CHST12: variants seen among roughly 807,000 people sequenced by gnomAD.
CHST12 encodes the protein carbohydrate (chondroitin 4) sulfotransferase 12.
In CHST12, 23 loss-of-function variants were observed where a neutral mutation model predicts 27.9. That is an observed-to-expected ratio of 0.82 (90% CI 0.59 to 1.17). The LOEUF is 1.17. Among genes scored for constraint, CHST12 ranks in the 50% most tolerant of loss-of-function variants. The probability of loss-of-function intolerance (pLI) is 0.00; values close to 1 mark genes in which losing one functional copy is unlikely to be tolerated. For synonymous variants in CHST12, 322 were observed against 273.0 expected (o/e 1.18, Z -1.77); for missense variants, 682 against 603.0 (o/e 1.13, Z -1.37).
Position 2,432,869 on chromosome 7 carries a change from G to A in CHST12, c.230G>A (p.Gly77Asp), listed in dbSNP as rs1782323676. 6.2e-7 allele frequency: 1 copy of A among 1,613,728 alleles called. No homozygotes were observed. The highest frequency in any genetic ancestry group is 8.5e-7 in the Non-Finnish European group (1 of 1,179,898). Residue 77 changes from glycine to aspartate, a missense_variant, in exon 2 of 2, where the codon GGC becomes GAC. Coordinates refer to ENST00000618655, the MANE Select transcript of CHST12 (RefSeq NM_018641.5). ...DEFLDKFLSA[G>D]VKQSDLPRKE... ...TTTCTGGACAAGTTTCTCAGTGCTG[G>A]CGTGAAGCAGAGCGACCTTCCCAGA...
rs1782356578 is a variant in CHST12, at chr7:2,433,337, T to G, written c.698T>G (p.Val233Gly). The change falls in exon 2 of 2, where the codon GTC (valine) becomes GGC (glycine). Residue 233 changes from valine to glycine, a missense_variant. Coordinates refer to ENST00000618655, the MANE Select transcript of CHST12 (RefSeq NM_018641.5). The surrounding 1 kb of genome is among the most constrained non-coding windows in gnomAD (Gnocchi z 6.1). ...AAGCTCTCCCGCCACCTCATGAAGG[T>G]CAAGCTCAAGAAGTACACCAAGTTC... ...YGKLSRHLMK[V>G]KLKKYTKFLF... is the part of the protein sequence containing the mutation. 2 of 1,612,550 alleles carry G rather than the reference T, an allele frequency of 1.2e-6. No individual in the cohort carries two copies. The highest frequency in any genetic ancestry group is 1.7e-6 in the Non-Finnish European group (2 of 1,179,876).
At chr7:2,423,326 C>T (rs1304134430) in intron 1 of CHST12, among the ~76,000 whole-genome samples, 2 of 151,952 alleles carry the variant, frequency 1.3e-5, no homozygotes, top group Middle Eastern at 3.2e-3. Flanking sequence ...TGGTTATAAC[C>T]GTTCAGAGGG....
In CHST12 at chr7:2,444,258, T is replaced by G. The variant is rs1234141483; in HGVS notation, c.*10374T>G. ...GAGATCCCGCCACTGCACTCCAGCC[T>G]GGGCGACAGAGCGAGACTCCGTCTC... On this transcript the variant is annotated 3_prime_UTR_variant, in exon 2 of 2. Transcript: ENST00000618655. 8.4e-6 allele frequency: 1 copy of G among 119,580 alleles called. No homozygotes were observed. Among genetic ancestry groups the G allele is most frequent in the South Asian group, 2.7e-4 (1 of 3,692 alleles). 7.4% of individuals were successfully genotyped at this position (119,580 alleles called of 1,614,324 possible). A position where few individuals can be genotyped will look rare whatever the true frequency, so the allele number is the denominator to read the frequency against.
chr7:2,425,349 G>A (rs1782087486), intron 1 of CHST12, among the ~76,000 whole-genome samples: 1 of 152,094 alleles, frequency 6.6e-6, no homozygotes, highest in Admixed American at 6.6e-5. Context: ...GGAGAGAGGG[G>A]TCCAGACTGT....
intron 1 of CHST12, among the ~76,000 whole-genome samples, chr7:2,420,754 C>A (rs1220574850): frequency 2.0e-5 from 3 of 152,176 alleles, no homozygotes; most frequent in East Asian, 1.9e-4. Flanking sequence ...CACTGCACCC[C>A]AGCCTGGACA....
chr7:2,419,968 CTTTT>C (rs869252983), intron 1 of CHST12, among the ~76,000 whole-genome samples: 27 of 81,408 alleles, frequency 3.3e-4, no homozygotes, highest in South Asian at 5.3e-4. Flanking sequence ...AAATATTTGT[CTTTT>C]TTTTTTTTTT....
In CHST12 at chr7:2,434,086, A is replaced by G. The variant is rs1782397451; in HGVS notation, c.*202A>G. 2.2e-6 allele frequency: 1 copy of G among 459,778 alleles called. No individual in the cohort carries two copies. The highest frequency in any genetic ancestry group is 4.9e-5 in the South Asian group (1 of 20,488). 28.5% of individuals were successfully genotyped at this position (459,778 alleles called of 1,614,324 possible). A position where few individuals can be genotyped will look rare whatever the true frequency, so the allele number is the denominator to read the frequency against. On this transcript the variant is annotated 3_prime_UTR_variant, in exon 2 of 2. Coordinates refer to ENST00000618655, the MANE Select transcript of CHST12 (RefSeq NM_018641.5). Reference sequence around the variant, plus strand: ...ATGTGGAAGGGAATGCTGGAGTAAAATATCCCCTCTCCCCTCCGCCCGCCC... The same window carrying G: ...ATGTGGAAGGGAATGCTGGAGTAAAGTATCCCCTCTCCCCTCCGCCCGCCC...
At chr7:2,408,750 G>C (rs927412937) in intron 1 of CHST12, among the ~76,000 whole-genome samples, 2 of 152,204 alleles carry the variant, frequency 1.3e-5, no homozygotes, top group Admixed American at 6.5e-5. Flanking sequence ...AGTCTCCCCA[G>C]ATGAGGCAGT....
chr7:2,425,691 C>CTT (rs760502452), intron 1 of CHST12, among the ~76,000 whole-genome samples: 6 of 137,876 alleles, frequency 4.4e-5, no homozygotes, highest in African/African-American at 1.6e-4. Flanking sequence ...ACTGCATTTG[C>CTT]TTTTTTTTTT....
Position 2,433,806 on chromosome 7 carries a change from G to T in CHST12, c.1167G>T (p.Arg389Ser). The T allele has an allele frequency of 6.2e-7, 1 of 1,614,090 alleles. No homozygotes were observed. Among genetic ancestry groups the T allele is most frequent in the Non-Finnish European group, 8.5e-7 (1 of 1,179,998 alleles). Residue 389 changes from arginine (R) to serine (S), a missense_variant, in exon 2 of 2, where the codon AGG (arginine) becomes AGT (serine). Arg to Ser is a moderately radical substitution (Grantham distance 110). Transcript: ENST00000618655. This position sits in a 1 kb window ranked among gnomAD's most constrained non-coding sequence, Gnocchi z 6.1. ...DWFAKIPLAW[R>S]QQLYKLYEAD... ...TCGCCAAGATCCCCCTGGCCTGGAG[G>T]CAGCAGCTGTATAAACTCTACGAGG...
chr7:2,427,816 TTTTG>T (rs527593596), intron 1 of CHST12, among the ~76,000 whole-genome samples: 7 of 152,130 alleles, frequency 4.6e-5, no homozygotes, highest in African/African-American at 7.2e-5. Flanking sequence ...CGTGACTCCT[TTTTG>T]TTTGTTTGTT....
chr7:2,403,609 C>T (rs1781440983), upstream of CHST12: 1 of 151,666 alleles, frequency 6.6e-6, no homozygotes, highest in Non-Finnish European at 1.5e-5. Context: ...GGGGGGTCCG[C>T]TAGTCGCGGG....
At chr7:2,427,923 TCTC>T (rs1215232510) in intron 1 of CHST12, among the ~76,000 whole-genome samples, 1 of 151,686 alleles carries the variant, frequency 6.6e-6, no homozygotes, top group African/African-American at 2.4e-5. Flanking sequence ...TTCAAGCGAT[TCTC>T]CTGCCTCAGC....
In CHST12 at chr7:2,442,922, G is replaced by T. The variant is rs1478416049; in HGVS notation, c.*9038G>T. 6.6e-6 allele frequency: 1 copy of T among 151,922 alleles called. No homozygotes were observed. The highest frequency in any genetic ancestry group is 1.5e-5 in the Non-Finnish European group (1 of 68,010). The allele number at this position is 151,922 out of a possible 1,614,324, so 9.4% of individuals were successfully genotyped here. Reference sequence around the variant, plus strand: ...TGCCTGATGATCTGAAGTGGAACAGGTTTTTGTTTTTTTTTTCCAGACAGA... The same window carrying T: ...TGCCTGATGATCTGAAGTGGAACAGTTTTTTGTTTTTTTTTTCCAGACAGA... On this transcript the variant is annotated 3_prime_UTR_variant, in exon 2 of 2. Coordinates refer to ENST00000618655, the MANE Select transcript of CHST12 (RefSeq NM_018641.5).
At chr7:2,408,362 CAAAAAAAAAAAAAAAAA>C (rs56330622) in intron 1 of CHST12, among the ~76,000 whole-genome samples, 3 of 116,684 alleles carry the variant, frequency 2.6e-5, no homozygotes, top group Non-Finnish European at 5.2e-5. Context: ...GACTCCGTCT[CAAAAAAAAAAAAAAAAA>C]AAAAAAAAAA....
At chr7:2,418,891 G>C (rs1243761745) in intron 1 of CHST12, among the ~76,000 whole-genome samples, 3 of 152,142 alleles carry the variant, frequency 2.0e-5, no homozygotes, top group Non-Finnish European at 2.9e-5. Context: ...TGACCTCCTG[G>C]GTTCAAGCCA....
In CHST12 at chr7:2,409,332, G is replaced by T. The variant is rs77521544; in HGVS notation, c.-78+5659G>T. ...AATTAGCTAAAAAGAATTATGGAGC[G>T]GGTAGGGCGTGGTGGTTCGCACCTG... On this transcript the variant is annotated intron_variant, in intron 1 of 1. Coordinates refer to ENST00000618655, the MANE Select transcript of CHST12 (RefSeq NM_018641.5). 5.0e-3 allele frequency among the ~76,000 whole-genome samples: 754 copies of T among 152,250 alleles called. 6 individuals carry two copies. Among genetic ancestry groups the T allele is most frequent in the African/African-American group, 0.018 (736 of 41,522 alleles).
At position 2,422,866 on chromosome 7, in the gene CHST12, C is replaced by CTT. The variant is rs576927497; in HGVS notation, c.-77-9681_-77-9680dup. 6.6e-3 allele frequency among the ~76,000 whole-genome samples: 903 copies of CTT among 136,906 alleles called. 7 individuals are homozygous for CTT. Among genetic ancestry groups the CTT allele is most frequent in the African/African-American group, 0.023 (844 of 36,388 alleles). The allele number at this position is 136,906 out of a possible 152,430, so 89.8% of individuals were successfully genotyped here. Reference sequence around the variant, plus strand: ...GCTGCTTTCTTAGCCTTCAGAAAACCTTTTTTTTTTTTTTTTTAGTGTGGT... The same window carrying CTT: ...GCTGCTTTCTTAGCCTTCAGAAAACCTTTTTTTTTTTTTTTTTTTAGTGTGGT... On this transcript the variant is annotated intron_variant, in intron 1 of 1. Transcript: ENST00000618655.
intron 1 of CHST12, among the ~76,000 whole-genome samples, chr7:2,415,258 C>G (rs974096640): frequency 6.6e-6 from 1 of 151,730 alleles, no homozygotes; most frequent in Non-Finnish European, 1.5e-5. Flanking sequence ...CCTGGCTACT[C>G]AGGAGGCTAA....
Sources: allele counts gnomAD v4.1 joint callset (sites outside exome capture counted in the v4.1 genomes callset), GRCh38; gene constraint gnomAD v4.1.1; non-coding constraint Gnocchi (gnomAD v3.1); transcripts MANE v1.5; gene names NCBI Gene and HGNC (gene_info 2026-07-23, HGNC 2026-07-21).